The following PEX3 variants were observed in gnomAD, a reference collection of about 807,000 sequenced individuals.
PEX3 encodes the protein peroxisomal biogenesis factor 3, also known as peroxin-3.
Under a neutral mutation model 55.8 loss-of-function variants are expected in PEX3, and 30 were observed. That is an observed-to-expected ratio of 0.54 (90% CI 0.40 to 0.73). The LOEUF (loss-of-function observed/expected upper bound fraction) is 0.73, where lower values mean the gene tolerates loss of function less well. Among genes scored for constraint, PEX3 ranks in the 30% least tolerant of loss-of-function variants. The pLI, the probability that PEX3 is intolerant of heterozygous loss-of-function variation, is 0.00. For synonymous variants in PEX3, 135 were observed against 148.4 expected, an observed-to-expected ratio of 0.91 and a Z score of 0.66; for missense variants, 351 against 432.8, an observed-to-expected ratio of 0.81 and a Z score of 1.68.
chr6:143,484,868 A>G (rs1562658673), intron 10 of PEX3: 1 of 378,472 alleles, frequency 2.6e-6, no homozygotes, highest in Non-Finnish European at 4.9e-6. Context: ...AATAAGATGG[A>G]AAATACTCAT....
Position 143,459,029 on chromosome 6 carries a change from T to C in PEX3, c.74-56T>C. The C allele has an allele frequency of 3.3e-6, 4 of 1,199,630 alleles. No individual in the cohort carries two copies. The highest frequency in any genetic ancestry group is 4.9e-6 in the Non-Finnish European group (4 of 809,656). The allele number at this position is 1,199,630 out of a possible 1,614,324, so 74.3% of individuals were successfully genotyped here. Reference sequence around the variant, plus strand: ...ATAATTGCATAAAGTAGGTTAAAAATACTGTGTAGAATTTTTGGTACTCTA... The same window carrying C: ...ATAATTGCATAAAGTAGGTTAAAAACACTGTGTAGAATTTTTGGTACTCTA... On this transcript the variant is annotated intron_variant, in intron 1 of 11. Transcript: ENST00000367591. This position sits in a 1 kb window ranked among gnomAD's most constrained non-coding sequence, Gnocchi z 4.2.
At chr6:143,461,306 A>G (rs1041854008) in intron 2 of PEX3, among the ~76,000 whole-genome samples, 3 of 152,192 alleles carry the variant, frequency 2.0e-5, no homozygotes, top group Non-Finnish European at 4.4e-5. Flanking sequence ...GAGCAGTGGC[A>G]GATGGGGTTG....
In PEX3 at chr6:143,489,105, T is replaced by G; in HGVS notation, c.1039-38T>G. Reference sequence around the variant, plus strand: ...GAAATTAATTCAAATTAGCTATATGTTTTGCAAACTATAATGTTATATTAT... The same window carrying G: ...GAAATTAATTCAAATTAGCTATATGGTTTGCAAACTATAATGTTATATTAT... On this transcript the variant is annotated intron_variant, in intron 11 of 11. Transcript: ENST00000367591. The surrounding 1 kb of genome is among the most constrained non-coding windows in gnomAD (Gnocchi z 5.5). 4 of 1,334,098 alleles carry G rather than the reference T, an allele frequency of 3.0e-6. No homozygotes were observed. The highest frequency in any genetic ancestry group is 4.3e-6 in the Non-Finnish European group (4 of 925,084). The allele number at this position is 1,334,098 out of a possible 1,614,324, so 82.6% of individuals were successfully genotyped here.
At position 143,485,161 on chromosome 6, in the gene PEX3, T is replaced by C. The variant is rs1780299210; in HGVS notation, c.951T>C (p.Ser317=). 3 of 1,589,124 alleles carry C rather than the reference T, an allele frequency of 1.9e-6. No individual in the cohort carries two copies. Among genetic ancestry groups the C allele is most frequent in the African/African-American group, 1.3e-5 (1 of 74,526 alleles). The change falls in exon 11 of 12, where the codon AGT becomes AGC. Residue 317 remains serine (S), a synonymous_variant. Transcript: ENST00000367591. The surrounding 1 kb of genome is among the most constrained non-coding windows in gnomAD (Gnocchi z 5.6). ...TGTAATGATTTTTCAGTCTTTCCAGTGTCAGCCTGCCTTTAGCTAAGATAA... is the reference window on the plus strand; with the variant it reads ...TGTAATGATTTTTCAGTCTTTCCAGCGTCAGCCTGCCTTTAGCTAAGATAA... ...QHGNSMNSLS[S]VSLPLAKIIP...
intron 8 of PEX3, among the ~76,000 whole-genome samples, chr6:143,473,633 C>T (rs144127494): frequency 2.3e-4 from 35 of 152,102 alleles, no homozygotes; most frequent in African/African-American, 8.2e-4. Context: ...AGGAGGTTGA[C>T]GGGGAGGATC....
rs1044034057 is a variant in PEX3, at chr6:143,465,246, C to T, written c.287+2249C>T. On this transcript the variant is annotated intron_variant, in intron 3 of 11. Coordinates refer to ENST00000367591, the MANE Select transcript of PEX3 (RefSeq NM_003630.3). The surrounding 1 kb of genome is among the most constrained non-coding windows in gnomAD (Gnocchi z 4.7). ...GTTGAAGGTACTTTTCTCTGTTCTACATAGATTTGGAATCTTTTATGTAGA... is the reference window on the plus strand; with the variant it reads ...GTTGAAGGTACTTTTCTCTGTTCTATATAGATTTGGAATCTTTTATGTAGA... Among the ~76,000 whole-genome samples the T allele has an allele frequency of 6.6e-6, 1 of 151,854 alleles. No individual in the cohort carries two copies. Among genetic ancestry groups the T allele is most frequent in the Non-Finnish European group, 1.5e-5 (1 of 67,852 alleles).
At position 143,479,625 on chromosome 6, in the gene PEX3, G is replaced by T. The variant is rs925871235; in HGVS notation, c.941+427G>T. On this transcript the variant is annotated intron_variant, in intron 10 of 11. Coordinates refer to ENST00000367591, the MANE Select transcript of PEX3 (RefSeq NM_003630.3). The surrounding 1 kb of genome is among the most constrained non-coding windows in gnomAD (Gnocchi z 4.6). The stretch of plus-strand genomic sequence containing the variant: ...GCATTGTTGGTATAGATTCTCATTT[G>T]ATGAATTAGCTCCTTATAGTTCTAC... 1.3e-5 allele frequency among the ~76,000 whole-genome samples: 2 copies of T among 151,936 alleles called. No homozygotes were observed. Among genetic ancestry groups the T allele is most frequent in the Non-Finnish European group, 2.9e-5 (2 of 67,910 alleles).
At position 143,466,760 on chromosome 6, in the gene PEX3, G is replaced by A. The variant is rs1337581428; in HGVS notation, c.288-1362G>A. Among the ~76,000 whole-genome samples the A allele has an allele frequency of 6.6e-6, 1 of 151,850 alleles. No individual in the cohort carries two copies. The highest frequency in any genetic ancestry group is 1.5e-5 in the Non-Finnish European group (1 of 67,880). ...GTATAATATTTTTCACTTATCTAAG[G>A]GGGCAGATATAAATGTATATATACA... On this transcript the variant is annotated intron_variant, in intron 3 of 11. Coordinates refer to ENST00000367591, the MANE Select transcript of PEX3 (RefSeq NM_003630.3). The surrounding 1 kb of genome is among the most constrained non-coding windows in gnomAD (Gnocchi z 5.4).
rs901148978 is a variant in PEX3, at chr6:143,479,652, A to G, written c.941+454A>G. Among the ~76,000 whole-genome samples the G allele has an allele frequency of 2.0e-5, 3 of 152,060 alleles. No individual in the cohort carries two copies. The highest frequency in any genetic ancestry group is 2.4e-5 in the African/African-American group (1 of 41,436). ...TGAATTAGCTCCTTATAGTTCTACAAATGCTTAAATGTATTCATTCCAGTC... is the reference window on the plus strand; with the variant it reads ...TGAATTAGCTCCTTATAGTTCTACAGATGCTTAAATGTATTCATTCCAGTC... On this transcript the variant is annotated intron_variant, in intron 10 of 11. Transcript: ENST00000367591. This position sits in a 1 kb window ranked among gnomAD's most constrained non-coding sequence, Gnocchi z 4.6.
chr6:143,461,461 C>A (rs1345030181), intron 2 of PEX3, among the ~76,000 whole-genome samples: 1 of 152,090 alleles, frequency 6.6e-6, no homozygotes, highest in Non-Finnish European at 1.5e-5. Context: ...GTGAAACTTT[C>A]CAAATTAGCT....
At chr6:143,480,417 T>C (rs1283753200) in intron 10 of PEX3, among the ~76,000 whole-genome samples, 1 of 152,212 alleles carries the variant, frequency 6.6e-6, no homozygotes, top group Non-Finnish European at 1.5e-5. Flanking sequence ...ACAGCCATGA[T>C]AGTGTTTCTT....
At chr6:143,478,966 AT>A in intron 9 of PEX3, 109 bp from the exon 10 acceptor site, 1 of 677,404 alleles carries the variant, frequency 1.5e-6, no homozygotes. Context: ...ACAGTATTAG[AT>A]TATGACTAGA....
rs1238436645 is a variant in PEX3, at chr6:143,458,537, G to T, written c.74-548G>T. On this transcript the variant is annotated intron_variant, in intron 1 of 11. Transcript: ENST00000367591. This position sits in a 1 kb window ranked among gnomAD's most constrained non-coding sequence, Gnocchi z 6.1. ...TTTTGTGTTCATTGAAGAAAATATA[G>T]AGGACAAAATGACCTGTTATCCCAC... Among the ~76,000 whole-genome samples the T allele has an allele frequency of 6.6e-6, 1 of 151,298 alleles. No individual in the cohort carries two copies. The highest frequency in any genetic ancestry group is 1.5e-5 in the Non-Finnish European group (1 of 67,658).
At position 143,451,084 on chromosome 6, in the gene PEX3, GA is replaced by G; in HGVS notation, c.45del (p.Lys15AsnfsTer53). 6.2e-7 allele frequency: 1 copy of G among 1,613,820 alleles called. No individual in the cohort carries two copies. Among genetic ancestry groups the G allele is most frequent in the Non-Finnish European group, 8.5e-7 (1 of 1,179,738 alleles). ...GGAATTTTCTGAAACGCCACAAAAA[GA>G]AATGCATCTTCCTGGGCACGGTCCT... is the stretch of plus-strand genomic sequence containing the variant. ...VWNFLKRHKK[K>X]CIFLGTVLGG... is the part of the protein sequence containing the mutation. On this transcript the variant is annotated frameshift_variant, in exon 1 of 12. Transcript: ENST00000367591. LOFTEE classifies it high-confidence loss of function. The surrounding 1 kb of genome is among the most constrained non-coding windows in gnomAD (Gnocchi z 4.1).
chr6:143,455,736 C>T (rs1779837737), intron 1 of PEX3, among the ~76,000 whole-genome samples: 1 of 151,944 alleles, frequency 6.6e-6, no homozygotes, highest in South Asian at 2.1e-4. Context: ...GAGTTAGGGA[C>T]CTATTGAACC....
Position 143,489,464 on chromosome 6 carries a change from TTAA to T in PEX3, c.*243_*245del. 2 of 307,008 alleles carry T rather than the reference TTAA, an allele frequency of 6.5e-6. No homozygotes were observed. Among genetic ancestry groups the T allele is most frequent in the South Asian group, 4.1e-5 (1 of 24,214 alleles). The allele number at this position is 307,008 out of a possible 1,614,324, so 19.0% of individuals were successfully genotyped here. A position where few individuals can be genotyped will look rare whatever the true frequency, so the allele number is the denominator to read the frequency against. ...TATACACGTGCAAATATCAGAATTG[TTAA>T]TAATTTGTTACACATGGACATTTGT... On this transcript the variant is annotated 3_prime_UTR_variant, in exon 12 of 12. Coordinates refer to ENST00000367591, the MANE Select transcript of PEX3 (RefSeq NM_003630.3). This position sits in a 1 kb window ranked among gnomAD's most constrained non-coding sequence, Gnocchi z 5.5.
At chr6:143,478,394 CCTCT>C (rs1450901463) in intron 9 of PEX3, among the ~76,000 whole-genome samples, 4 of 151,774 alleles carry the variant, frequency 2.6e-5, no homozygotes, top group Admixed American at 2.6e-4. Flanking sequence ...AATTTTATGC[CCTCT>C]AAGTCCTACT....
Position 143,451,241 on chromosome 6 carries a change from G to A in PEX3, c.73+126G>A. The A allele has an allele frequency of 1.3e-6, 1 of 763,278 alleles. No individual in the cohort carries two copies. Among genetic ancestry groups the A allele is most frequent in the East Asian group, 2.5e-5 (1 of 39,926 alleles). 47.3% of individuals were successfully genotyped at this position (763,278 alleles called of 1,614,324 possible). ...TGTAGAGGGAGTTCGATCAACCATG[G>A]GATGAAAAGGGAGGTGGCCAACCTC... On this transcript the variant is annotated intron_variant, in intron 1 of 11. Transcript: ENST00000367591. The surrounding 1 kb of genome is among the most constrained non-coding windows in gnomAD (Gnocchi z 4.1).
chr6:143,479,127 A>G lies in PEX3; in HGVS notation c.870A>G (p.Arg290=), dbSNP rs2128747465. Residue 290 remains arginine (R), a synonymous_variant, in exon 10 of 12, where the codon AGA becomes AGG. Transcript: ENST00000367591. The surrounding 1 kb of genome is among the most constrained non-coding windows in gnomAD (Gnocchi z 4.6). ...CCTGTTTAAACCGAGGTTTTAGTAG[A>G]CTTCTAGACAATATGGCTGAGTTCT... ...LNTCLNRGFS[R]LLDNMAEFFR... 8.2e-6 allele frequency: 13 copies of G among 1,594,136 alleles called. No individual in the cohort carries two copies. The highest frequency in any genetic ancestry group is 1.0e-5 in the Non-Finnish European group (12 of 1,162,020).
Sources: gnomAD v4.1 joint callset for allele counts (sites outside exome capture counted in the v4.1 genomes callset) on GRCh38, gnomAD v4.1.1 for gene constraint, Gnocchi (gnomAD v3.1) non-coding constraint, MANE v1.5 for transcripts, NCBI Gene and HGNC (gene_info 2026-07-23, HGNC 2026-07-21) for gene names.